The following SNTB1 variants were observed in gnomAD, a reference collection of about 807,000 sequenced individuals.
The protein encoded by SNTB1 is beta-1-syntrophin.
Under a neutral mutation model 48.9 loss-of-function variants are expected in SNTB1, and 36 were observed. The ratio of observed to expected loss-of-function variants is 0.74; its 90% CI spans 0.56 to 0.97. The LOEUF is 0.97. SNTB1 is among the 50% of genes least tolerant of loss of function. The pLI is 0.00. For synonymous variants in SNTB1, 299 were observed against 294.6 expected, an observed-to-expected ratio of 1.01 and a Z score of -0.15; for missense variants, 786 against 703.4, an observed-to-expected ratio of 1.12 and a Z score of -1.33.
intron 1 of SNTB1, among the ~76,000 whole-genome samples, chr8:120,700,232 A>T (rs1218905990): frequency 6.6e-6 from 1 of 151,994 alleles, no homozygotes. Context: ...GTGAGAAAAC[A>T]TCCAATTAAG....
rs1402674772 is a variant in SNTB1, at chr8:120,541,864, T to G, written c.1470A>C (p.Ser490=). ...QSPYEKLKMS[S]DDGIRMLYLD... ...AATACAGCATCCTGATTCCATCATC[T>G]GAAGACATTTTGAGCTTTTCATAAG... Residue 490 remains serine, a synonymous_variant, in exon 6 of 7, where the codon TCA becomes TCC. Transcript: ENST00000517992. 1.2e-6 allele frequency: 2 copies of G among 1,613,928 alleles called. No individual in the cohort carries two copies. The highest frequency in any genetic ancestry group is 1.7e-6 in the Non-Finnish European group (2 of 1,179,942).
At chr8:120,683,951 A>G (rs1817982846) in intron 2 of SNTB1, among the ~76,000 whole-genome samples, 1 of 152,240 alleles carries the variant, frequency 6.6e-6, no homozygotes, top group Admixed American at 6.5e-5. Context: ...TTTTATAGAT[A>G]ATGTCTTAGT....
chr8:120,811,713 T>A lies in SNTB1; in HGVS notation c.131A>T (p.Asp44Val). 1 of 1,576,624 alleles carries A rather than the reference T, an allele frequency of 6.3e-7. No homozygotes were observed. The highest frequency in any genetic ancestry group is 8.6e-7 in the Non-Finnish European group (1 of 1,166,280). The change falls in exon 1 of 7, where the codon GAC (aspartate) becomes GTC (valine). Residue 44 changes from aspartate to valine, a missense_variant. Physicochemically the swap from Asp to Val is radical, Grantham distance 152. Coordinates refer to ENST00000517992, the MANE Select transcript of SNTB1 (RefSeq NM_021021.4). ...WHKVLVNLSE[D>V]ALVLSSEEGA... ...CTCCTCGCTGCTCAGAACCAGGGCG[T>A]CCTCGCTCAAGTTCACCAGAACTTT...
intron 1 of SNTB1, among the ~76,000 whole-genome samples, chr8:120,742,881 G>A (rs915667309): frequency 6.6e-6 from 1 of 152,186 alleles, no homozygotes; most frequent in Non-Finnish European, 1.5e-5. Flanking sequence ...CACCTTGGGA[G>A]TGTTGGTGAG....
chr8:120,574,597 C>T (rs1056173057), intron 4 of SNTB1, among the ~76,000 whole-genome samples: 9 of 152,068 alleles, frequency 5.9e-5, no homozygotes, highest in East Asian at 3.9e-4. Flanking sequence ...CCTGAAAAAC[C>T]GAGCCTGGCA....
In SNTB1 at chr8:120,743,125, T is replaced by C. The variant is rs543148826; in HGVS notation, c.572-49217A>G. ...ATTTCTCTGAAAGCAAGTCAGTGAC[T>C]GTACTATAGAACAGAAATTCTTCTT... On this transcript the variant is annotated intron_variant, in intron 1 of 6. Transcript: ENST00000517992. Among the ~76,000 whole-genome samples, 19 of 152,310 alleles carry C rather than the reference T, an allele frequency of 1.2e-4. No homozygotes were observed. In the South Asian group the frequency reaches 3.5e-3, roughly 28 times the overall value.
At chr8:120,652,732 G>A (rs553505942) in intron 2 of SNTB1, among the ~76,000 whole-genome samples, 1 of 152,276 alleles carries the variant, frequency 6.6e-6, no homozygotes, top group South Asian at 2.1e-4. Flanking sequence ...GGTTACTGGA[G>A]TATCAAATGA....
Position 120,575,083 on chromosome 8 carries a change from T to C in SNTB1, c.1136+3A>G, listed in dbSNP as rs765244166. ...ATCATACCAAACACAAGGCCATGGC[T>C]ACCTGGTGGCAAGAAGAGGGTATGT... On this transcript the variant is annotated splice_donor_region_variant and intron_variant, in intron 4 of 6. Transcript: ENST00000517992. 7 of 1,614,016 alleles carry C rather than the reference T, an allele frequency of 4.3e-6. No homozygotes were observed.
Position 120,697,629 on chromosome 8 carries a change from T to A in SNTB1, c.572-3721A>T, listed in dbSNP as rs986258239. On this transcript the variant is annotated intron_variant, in intron 1 of 6. Coordinates refer to ENST00000517992, the MANE Select transcript of SNTB1 (RefSeq NM_021021.4). ...CAACTTCATCCTAAGCTTCAAAGAA[T>A]CCCCATGAATCATTTTAAAATGCAA... Among the ~76,000 whole-genome samples, 26 of 152,088 alleles carry A rather than the reference T, an allele frequency of 1.7e-4. 2 individuals carry two copies. The highest frequency in any genetic ancestry group is 1.6e-3 in the Admixed American group (25 of 15,266).
chr8:120,662,171 A>G (rs1460629022), intron 2 of SNTB1, among the ~76,000 whole-genome samples: 3 of 152,146 alleles, frequency 2.0e-5, no homozygotes. Flanking sequence ...AAACAAATAA[A>G]TCAGCTACCC....
chr8:120,610,146 C>A (rs751508066), intron 3 of SNTB1, among the ~76,000 whole-genome samples: 1 of 150,012 alleles, frequency 6.7e-6, no homozygotes, highest in Non-Finnish European at 1.5e-5. Context: ...GATTTTGAAA[C>A]TTTTTTTTTT....
chr8:120,656,944 T>C (rs1817512133), intron 2 of SNTB1, among the ~76,000 whole-genome samples: 1 of 152,174 alleles, frequency 6.6e-6, no homozygotes, highest in Admixed American at 6.5e-5. Flanking sequence ...AAGAGAGAAG[T>C]GTCAAGGTGA....
chr8:120,762,894 C>T (rs886627603), intron 1 of SNTB1, among the ~76,000 whole-genome samples: 18 of 152,142 alleles, frequency 1.2e-4, no homozygotes, highest in Admixed American at 5.2e-4. Flanking sequence ...AAAACTTAAA[C>T]TTTCAAAAAA....
chr8:120,777,992 T>G (rs78125318), intron 1 of SNTB1, among the ~76,000 whole-genome samples: 5,880 of 152,294 alleles, frequency 0.039, 373 homozygotes, highest in African/African-American at 0.13. Flanking sequence ...CTTTCTCCAG[T>G]CTGAAAACCT....
At chr8:120,706,834 G>T (rs1818384874) in intron 1 of SNTB1, among the ~76,000 whole-genome samples, 1 of 152,126 alleles carries the variant, frequency 6.6e-6, no homozygotes. Context: ...CAGTAAATTT[G>T]CAGTTATTTT....
chr8:120,743,577 T>C (rs766182069), intron 1 of SNTB1, among the ~76,000 whole-genome samples: 3 of 152,130 alleles, frequency 2.0e-5, no homozygotes, highest in Non-Finnish European at 4.4e-5. Flanking sequence ...AAGGTAGAAG[T>C]AGTAATTCCC....
At chr8:120,790,365 T>C (rs769792745) in intron 1 of SNTB1, among the ~76,000 whole-genome samples, 3 of 151,976 alleles carry the variant, frequency 2.0e-5, no homozygotes, top group East Asian at 1.9e-4. Context: ...ATATTCAACA[T>C]AGTACTGGAA....
chr8:120,567,612 G>A (rs1414704598), intron 4 of SNTB1, among the ~76,000 whole-genome samples: 3 of 151,562 alleles, frequency 2.0e-5, no homozygotes, highest in African/African-American at 4.8e-5. Context: ...TTGTAGAGAC[G>A]GATCCTCCAT....
intron 4 of SNTB1, among the ~76,000 whole-genome samples, chr8:120,564,251 A>T (rs1163222109): frequency 6.6e-6 from 1 of 152,166 alleles, no homozygotes; most frequent in African/African-American, 2.4e-5. Context: ...TTAAAGCTAA[A>T]TGTGGGGCCC....
Sources: allele counts gnomAD v4.1 joint callset (sites outside exome capture counted in the v4.1 genomes callset), GRCh38; gene constraint gnomAD v4.1.1; transcripts MANE v1.5; gene names NCBI Gene and HGNC (gene_info 2026-07-23, HGNC 2026-07-21).